The following SLC16A10 variants were observed in gnomAD, a reference collection of about 807,000 sequenced individuals.
SLC16A10 encodes monocarboxylate transporter 10.
Under a neutral mutation model 40.0 loss-of-function variants are expected in SLC16A10, and 27 were observed. The observed-to-expected ratio is 0.67, with a 90% CI of 0.50 to 0.93. The LOEUF is 0.93. Ranked by LOEUF, SLC16A10 falls within the 40% of genes least tolerant of loss-of-function variation. The probability of loss-of-function intolerance (pLI) is 0.00; values close to 1 mark genes in which losing one functional copy is unlikely to be tolerated. For missense variants in SLC16A10, 529 were observed against 658.2 expected (o/e 0.80, Z 2.15); for synonymous variants, 213 against 249.8 (o/e 0.85, Z 1.39).
chr6:111,146,452 A>G (rs907071917), intron 1 of SLC16A10, among the ~76,000 whole-genome samples: 1 of 152,184 alleles, frequency 6.6e-6, no homozygotes, highest in South Asian at 2.1e-4. Context: ...TTAAAAAGAT[A>G]TATACAGGCC....
At chr6:111,182,630 A>G (rs918759523) in intron 3 of SLC16A10, among the ~76,000 whole-genome samples, 1 of 152,116 alleles carries the variant, frequency 6.6e-6, no homozygotes, top group African/African-American at 2.4e-5. Flanking sequence ...CTGTATATCC[A>G]GCTGCTTACT....
At chr6:111,191,950 C>T (rs1773001159) in intron 3 of SLC16A10, among the ~76,000 whole-genome samples, 1 of 152,062 alleles carries the variant, frequency 6.6e-6, no homozygotes, top group South Asian at 2.1e-4. Context: ...CAAAAATTTT[C>T]TCCCATTCTG....
At chr6:111,176,443 G>T (rs1772685758) in intron 2 of SLC16A10, among the ~76,000 whole-genome samples, 1 of 152,154 alleles carries the variant, frequency 6.6e-6, no homozygotes, top group African/African-American at 2.4e-5. Flanking sequence ...CCTAAGAAAT[G>T]TGCAATTATT....
intron 4 of SLC16A10, among the ~76,000 whole-genome samples, chr6:111,216,156 C>G (rs1773417185): frequency 6.6e-6 from 1 of 152,096 alleles, no homozygotes; most frequent in South Asian, 2.1e-4. Context: ...TTTTTACTTG[C>G]TCAAGGTCAT....
intron 1 of SLC16A10, among the ~76,000 whole-genome samples, chr6:111,120,641 CCAT>C (rs1232527000): frequency 1.3e-5 from 2 of 152,178 alleles, no homozygotes; most frequent in Non-Finnish European, 2.9e-5. Context: ...TGGTGCCTGT[CCAT>C]GAACCACTTT....
intron 1 of SLC16A10, among the ~76,000 whole-genome samples, chr6:111,168,391 T>G (rs1389656650): frequency 3.3e-5 from 5 of 152,240 alleles, no homozygotes; most frequent in African/African-American, 1.2e-4. Context: ...TTATAGAATT[T>G]TGGGGATTAA....
chr6:111,130,698 C>T lies in SLC16A10; in HGVS notation c.344-41997C>T, dbSNP rs112309280. Among the ~76,000 whole-genome samples, 383 of 152,294 alleles carry T rather than the reference C, an allele frequency of 2.5e-3. 2 individuals carry two copies. Among genetic ancestry groups the T allele is most frequent in the African/African-American group, 8.7e-3 (361 of 41,564 alleles). On this transcript the variant is annotated intron_variant, in intron 1 of 5. Coordinates refer to ENST00000368851, the MANE Select transcript of SLC16A10 (RefSeq NM_018593.5). The stretch of plus-strand genomic sequence containing the variant: ...ACCACCTGGGCCTTGGACCTGGGTC[C>T]GTTGGGCTATTATCCATGCTCCCAC...
chr6:111,165,504 A>G (rs1349468925), intron 1 of SLC16A10, among the ~76,000 whole-genome samples: 1 of 152,216 alleles, frequency 6.6e-6, no homozygotes, highest in Non-Finnish European at 1.5e-5. Flanking sequence ...AATTAAGCTG[A>G]CTTTTTACCA....
Position 111,123,453 on chromosome 6 carries a change from C to T in SLC16A10, c.343+35358C>T, listed in dbSNP as rs907737597. Among the ~76,000 whole-genome samples, 18 of 152,110 alleles carry T rather than the reference C, an allele frequency of 1.2e-4. No homozygotes were observed. In the East Asian group the frequency reaches 3.5e-3, roughly 29 times the overall value. ...ATGCTCAGGTATGTGTTTAGTTTAC[C>T]TCTGAGACTGTGGCTCCCTCTAGAC... On this transcript the variant is annotated intron_variant, in intron 1 of 5. Transcript: ENST00000368851.
chr6:111,202,617 G>A (rs555227605), intron 3 of SLC16A10, among the ~76,000 whole-genome samples: 4 of 151,888 alleles, frequency 2.6e-5, no homozygotes, highest in Non-Finnish European at 4.4e-5. Context: ...GGCCGAGCGC[G>A]GTGGCTCACA....
intron 3 of SLC16A10, among the ~76,000 whole-genome samples, chr6:111,197,331 T>A (rs1056629618): frequency 6.6e-6 from 1 of 152,142 alleles, no homozygotes; most frequent in African/African-American, 2.4e-5. Context: ...CACTTCAGAA[T>A]TAAGGGAAAA....
chr6:111,211,443 A>T (rs1475168976), intron 4 of SLC16A10, among the ~76,000 whole-genome samples: 1 of 152,194 alleles, frequency 6.6e-6, no homozygotes, highest in Non-Finnish European at 1.5e-5. Context: ...TTGGGGGTCA[A>T]ATATTTCACT....
intron 1 of SLC16A10, among the ~76,000 whole-genome samples, chr6:111,135,295 C>A (rs943082865): frequency 1.3e-5 from 2 of 152,132 alleles, no homozygotes; most frequent in African/African-American, 4.8e-5. Context: ...CTTTCCCTAC[C>A]AAAGGCAGTA....
chr6:111,107,074 T>C (rs1562399198), intron 1 of SLC16A10, among the ~76,000 whole-genome samples: 1 of 152,160 alleles, frequency 6.6e-6, no homozygotes, highest in Non-Finnish European at 1.5e-5. Flanking sequence ...CTAGTCGACA[T>C]TGTTTCAGTC....
chr6:111,106,363 T>G (rs1372698653), intron 1 of SLC16A10, among the ~76,000 whole-genome samples: 1 of 152,214 alleles, frequency 6.6e-6, no homozygotes, highest in African/African-American at 2.4e-5. Flanking sequence ...ATTTTGTATA[T>G]GTGGTAGTTA....
At chr6:111,133,151 A>G (rs1435490520) in intron 1 of SLC16A10, among the ~76,000 whole-genome samples, 1 of 152,198 alleles carries the variant, frequency 6.6e-6, no homozygotes, top group Non-Finnish European at 1.5e-5. Flanking sequence ...AAGGACCACT[A>G]GAATCCAGCA....
intron 5 of SLC16A10, among the ~76,000 whole-genome samples, chr6:111,219,353 C>G (rs1443666692): frequency 6.6e-6 from 1 of 151,872 alleles, no homozygotes; most frequent in Non-Finnish European, 1.5e-5. Context: ...GAGACACTAT[C>G]TCTACAAAAA....
At position 111,114,400 on chromosome 6, in the gene SLC16A10, A is replaced by G. The variant is rs1291673540; in HGVS notation, c.343+26305A>G. ...CATCTCATAGAATCTAAAAGGCTAT[A>G]CTGATGCTAAGATGCACTATTATTT... On this transcript the variant is annotated intron_variant, in intron 1 of 5. Transcript: ENST00000368851. Among the ~76,000 whole-genome samples the G allele has an allele frequency of 2.0e-5, 3 of 152,224 alleles. No homozygotes were observed. The East Asian group carries it at 5.8e-4, about 29-fold the overall frequency.
At position 111,206,636 on chromosome 6, in the gene SLC16A10, G is replaced by A. The variant is rs188894873; in HGVS notation, c.987G>A (p.Glu329=). The part of the protein sequence containing the change: ...NERFQDEKNK[E]VVLMCIGVTS... Reference sequence around the variant, plus strand: ...GATTTCAAGATGAAAAAAATAAAGAGGTTGTTCTCATGTGCATTGGCGTCA... The same window carrying A: ...GATTTCAAGATGAAAAAAATAAAGAAGTTGTTCTCATGTGCATTGGCGTCA... Residue 329 remains glutamate, a synonymous_variant, in exon 4 of 6, where the codon GAG becomes GAA. Transcript: ENST00000368851. The A allele has an allele frequency of 1.8e-4, 283 of 1,614,082 alleles. No homozygotes were observed. Among genetic ancestry groups the A allele is most frequent in the Admixed American group, 1.3e-3 (80 of 60,020 alleles).
Sources: gnomAD v4.1 joint callset for allele counts (sites outside exome capture counted in the v4.1 genomes callset) on GRCh38, gnomAD v4.1.1 for gene constraint, MANE v1.5 for transcripts, NCBI Gene and HGNC (gene_info 2026-07-23, HGNC 2026-07-21) for gene names.